COMMD1: variants seen among roughly 807,000 people sequenced by gnomAD.
COMMD1 encodes the protein COMM domain-containing protein 1.
COMMD1 carries 10 observed loss-of-function variants against 17.2 expected under a neutral mutation model. The ratio of observed to expected loss-of-function variants is 0.58; its 90% CI spans 0.36 to 0.99. The LOEUF (loss-of-function observed/expected upper bound fraction) is 0.99, where lower values mean the gene tolerates loss of function less well. Ranked by LOEUF, COMMD1 falls within the 50% of genes least tolerant of loss-of-function variation. The pLI, the probability that COMMD1 is intolerant of heterozygous loss-of-function variation, is 0.01. For missense variants in COMMD1, 270 were observed against 231.8 expected (o/e 1.17, Z -1.07); for synonymous variants, 97 against 91.6 (o/e 1.06, Z -0.34).
chr2:61,938,530 C>G (rs181554566), intron 1 of COMMD1, among the ~76,000 whole-genome samples: 6 of 152,218 alleles, frequency 3.9e-5, no homozygotes, highest in Non-Finnish European at 8.8e-5. Context: ...TTAACCTTCA[C>G]GTGCCCACTT....
At chr2:62,122,220 C>G (rs1672768298) in intron 2 of COMMD1, among the ~76,000 whole-genome samples, 1 of 152,154 alleles carries the variant, frequency 6.6e-6, no homozygotes, top group Non-Finnish European at 1.5e-5. Flanking sequence ...TCTAAAATCC[C>G]TTTGTAAATG....
chr2:62,043,761 T>G (rs1240858920), intron 2 of COMMD1, among the ~76,000 whole-genome samples: 1 of 152,182 alleles, frequency 6.6e-6, no homozygotes, highest in Non-Finnish European at 1.5e-5. Context: ...TTGTATAAAT[T>G]TACAAGATCA....
rs140475747 is a variant in COMMD1, at chr2:61,972,617, G to A, written c.181-28084G>A. ...CCCTTGATATGGTGGGATGAGAATG[G>A]CACTTTATCTCTGCGTTCTTTCTCC... On this transcript the variant is annotated intron_variant, in intron 1 of 2. Coordinates refer to ENST00000311832, the MANE Select transcript of COMMD1 (RefSeq NM_152516.4). 8.6e-3 allele frequency among the ~76,000 whole-genome samples: 1,304 copies of A among 152,258 alleles called. 16 individuals carry two copies. The highest frequency in any genetic ancestry group is 0.029 in the African/African-American group (1,220 of 41,530).
chr2:62,132,043 C>A (rs1250555367), intron 2 of COMMD1, among the ~76,000 whole-genome samples: 2 of 152,068 alleles, frequency 1.3e-5, no homozygotes, highest in Admixed American at 6.6e-5. Flanking sequence ...TGCCCACCAC[C>A]AAGCCTGGCT....
rs1279578912 is a variant in COMMD1 at position 61,892,538 on chromosome 2, C to A, written n.119+3696C>A. ...TGAAACCCTGTCTCTACTAAAAATA[C>A]AAAAAATTAGCCCGGTGTTGTGGCA... On this transcript the variant is annotated intron_variant and non_coding_transcript_variant, in intron 1 of 2. Coordinates refer to the COMMD1 transcript ENST00000472729. 1.6e-4 allele frequency among the ~76,000 whole-genome samples: 24 copies of A among 151,714 alleles called. 1 individual carries two copies. Among genetic ancestry groups the A allele is most frequent in the Admixed American group, 1.5e-3 (23 of 15,214 alleles).
At position 62,048,243 on chromosome 2, in the gene COMMD1, C is replaced by T. The variant is rs576559984; in HGVS notation, c.462+47261C>T. Among the ~76,000 whole-genome samples, 9 of 142,506 alleles carry T rather than the reference C, an allele frequency of 6.3e-5. No individual in the cohort carries two copies. In the South Asian group the frequency reaches 1.5e-3, roughly 24 times the overall value. 93.5% of individuals were successfully genotyped at this position (142,506 alleles called of 152,430 possible). Reference sequence around the variant, plus strand: ...TGTCGCCCAGGCTGGAGTGCAGTGGCGCGATCTCGGCTCACTGCAACCTCC... The same window carrying T: ...TGTCGCCCAGGCTGGAGTGCAGTGGTGCGATCTCGGCTCACTGCAACCTCC... On this transcript the variant is annotated intron_variant, in intron 2 of 2. Coordinates refer to ENST00000311832, the MANE Select transcript of COMMD1 (RefSeq NM_152516.4).
In COMMD1 at chr2:62,000,990, A is replaced by G; in HGVS notation, c.462+8A>G. ...TTAGGCAAATATGGACAGGTGAGTT[A>G]AACTTAAGTCAATTTTCCTTTGTAA... On this transcript the variant is annotated splice_region_variant and intron_variant, in intron 2 of 2. Coordinates refer to ENST00000311832, the MANE Select transcript of COMMD1 (RefSeq NM_152516.4). The G allele has an allele frequency of 6.2e-7, 1 of 1,610,802 alleles. No individual in the cohort carries two copies. Among genetic ancestry groups the G allele is most frequent in the Non-Finnish European group, 8.5e-7 (1 of 1,179,770 alleles).
chr2:62,066,155 A>T lies in COMMD1; in HGVS notation c.462+65173A>T, dbSNP rs1427874354. 2.6e-5 allele frequency among the ~76,000 whole-genome samples: 4 copies of T among 152,182 alleles called. No individual in the cohort carries two copies. In the East Asian group the frequency reaches 7.7e-4, roughly 29 times the overall value. On this transcript the variant is annotated intron_variant, in intron 2 of 2. Coordinates refer to ENST00000311832, the MANE Select transcript of COMMD1 (RefSeq NM_152516.4). The stretch of plus-strand genomic sequence containing the variant: ...GAAAGATAAAATTGGAGAGAGGACA[A>T]CTGGATTCTTGAATTATTTGTCATT...
At chr2:62,085,220 A>G (rs1671624376) in intron 2 of COMMD1, among the ~76,000 whole-genome samples, 1 of 142,026 alleles carries the variant, frequency 7.0e-6, no homozygotes, top group Admixed American at 7.0e-5. Flanking sequence ...TTACAGTTTG[A>G]ATTTTTTTTT....
chr2:62,042,725 C>T (rs1268742215), intron 2 of COMMD1, among the ~76,000 whole-genome samples: 3 of 152,300 alleles, frequency 2.0e-5, no homozygotes, highest in Admixed American at 2.0e-4. Context: ...GTGCCGAGAG[C>T]GAATGAGGGC....
At chr2:61,904,653 T>C (rs559896526), upstream of COMMD1, among the ~76,000 whole-genome samples, 44 of 152,368 alleles carry the variant, frequency 2.9e-4, no homozygotes, top group Admixed American at 9.2e-4. Context: ...TTCCTTTTCA[T>C]TTTATGATAA....
At chr2:62,010,600 C>T (rs1669250655) in intron 2 of COMMD1, among the ~76,000 whole-genome samples, 1 of 152,154 alleles carries the variant, frequency 6.6e-6, no homozygotes, top group Non-Finnish European at 1.5e-5. Context: ...CTAAGTTCCT[C>T]ATATATCTCC....
chr2:62,104,322 T>C (rs1052131283), intron 2 of COMMD1, among the ~76,000 whole-genome samples: 5 of 151,836 alleles, frequency 3.3e-5, no homozygotes, highest in Non-Finnish European at 5.9e-5. Context: ...TGAGACCCCA[T>C]CTCTACAAAA....
intron 2 of COMMD1, among the ~76,000 whole-genome samples, chr2:62,118,778 G>T (rs1015054362): frequency 1.3e-5 from 2 of 152,214 alleles, no homozygotes; most frequent in African/African-American, 2.4e-5. Context: ...TGCCAAAATG[G>T]GCTGGCAGAC....
chr2:61,892,717 AAG>A (rs1255151651), intron 1 of COMMD1, among the ~76,000 whole-genome samples: 7 of 151,188 alleles, frequency 4.6e-5, no homozygotes, highest in African/African-American at 1.5e-4. Flanking sequence ...AAGAAAAGAA[AAG>A]AAGAGAGGGC....
At chr2:62,008,285 T>G (rs534990862) in intron 2 of COMMD1, among the ~76,000 whole-genome samples, 2 of 152,216 alleles carry the variant, frequency 1.3e-5, no homozygotes, top group East Asian at 3.9e-4. Context: ...GCTATCTGCT[T>G]TGTGTCATAG....
chr2:62,118,710 G>A (rs1467273821), intron 2 of COMMD1, among the ~76,000 whole-genome samples: 3 of 152,176 alleles, frequency 2.0e-5, no homozygotes, highest in Non-Finnish European at 4.4e-5. Flanking sequence ...GGCAGTCCCC[G>A]TAAATTAAAT....
At chr2:62,106,602 A>C (rs1201682821) in intron 2 of COMMD1, among the ~76,000 whole-genome samples, 2 of 152,236 alleles carry the variant, frequency 1.3e-5, no homozygotes, top group Non-Finnish European at 2.9e-5. Flanking sequence ...TGGTGTGATG[A>C]GCTTCACTCA....
intron 2 of COMMD1, among the ~76,000 whole-genome samples, chr2:62,117,624 T>C (rs116596777): frequency 1.8e-3 from 277 of 152,352 alleles, no homozygotes; most frequent in African/African-American, 5.9e-3. Context: ...CCAACTGAAA[T>C]AACACATGTA....
Sources: allele counts gnomAD v4.1 joint callset (sites outside exome capture counted in the v4.1 genomes callset), GRCh38; gene constraint gnomAD v4.1.1; transcripts MANE v1.5; gene names NCBI Gene and HGNC (gene_info 2026-07-23, HGNC 2026-07-21).